The following RPS6KA5 variants were observed in gnomAD, a reference collection of about 807,000 sequenced individuals.
The protein encoded by RPS6KA5 is ribosomal protein S6 kinase alpha-5.
RPS6KA5 carries 27 observed loss-of-function variants against 85.5 expected under a neutral mutation model. The observed-to-expected ratio is 0.32, with a 90% CI of 0.23 to 0.44. The LOEUF is 0.44. RPS6KA5 is among the 20% of genes least tolerant of loss of function. RPS6KA5 has a pLI of 1.00. For synonymous variants in RPS6KA5, 334 were observed against 348.2 expected (o/e 0.96, Z 0.46); for missense variants, 811 against 980.9 (o/e 0.83, Z 2.31).
rs1163804864 is a variant in RPS6KA5, at chr14:90,857,960, G to A, written c.*14114C>T. On this transcript the variant is annotated 3_prime_UTR_variant, in exon 17 of 17. Transcript: ENST00000614987. ...GAATAAACCGGGTGCCTTCACATAT[G>A]ACCATGTGACAACCAAGTTATCAAT... The A allele has an allele frequency of 6.6e-6, 1 of 152,170 alleles. No individual in the cohort carries two copies. Among genetic ancestry groups the A allele is most frequent in the East Asian group, 1.9e-4 (1 of 5,196 alleles). 9.4% of individuals were successfully genotyped at this position (152,170 alleles called of 1,614,324 possible).
chr14:91,002,867 T>C (rs960748822), intron 1 of RPS6KA5, among the ~76,000 whole-genome samples: 1 of 152,170 alleles, frequency 6.6e-6, no homozygotes, highest in South Asian at 2.1e-4. Context: ...AGTTTTACTA[T>C]CAATGTATAA....
intron 5 of RPS6KA5, among the ~76,000 whole-genome samples, chr14:90,924,187 T>A (rs2036546222): frequency 6.6e-6 from 1 of 152,082 alleles, no homozygotes; most frequent in Admixed American, 6.5e-5. Context: ...AAGACAAACA[T>A]CTCTTAATTC....
rs1279651064 is a variant in RPS6KA5 at position 90,854,041 on chromosome 14, T to A, written c.*18033A>T. On this transcript the variant is annotated 3_prime_UTR_variant, in exon 17 of 17. Coordinates refer to ENST00000614987, the MANE Select transcript of RPS6KA5 (RefSeq NM_004755.4). The stretch of plus-strand genomic sequence containing the variant: ...CCCCCAATACATGTGTGTATACACA[T>A]ACATAAACACACACCTATGTAATTT... The A allele has an allele frequency of 1.3e-5, 2 of 152,202 alleles. No individual in the cohort carries two copies. The highest frequency in any genetic ancestry group is 4.8e-5 in the African/African-American group (2 of 41,452). 9.4% of individuals were successfully genotyped at this position (152,202 alleles called of 1,614,324 possible). A position where few individuals can be genotyped will look rare whatever the true frequency, so the allele number is the denominator to read the frequency against.
At chr14:90,880,673 G>A (rs1350187399) in intron 14 of RPS6KA5, among the ~76,000 whole-genome samples, 1 of 152,032 alleles carries the variant, frequency 6.6e-6, no homozygotes, top group Admixed American at 6.5e-5. Context: ...ATTATTACAG[G>A]ACTGTCTACT....
intron 1 of RPS6KA5, among the ~76,000 whole-genome samples, chr14:91,033,750 C>A (rs1432468491): frequency 6.6e-6 from 1 of 152,058 alleles, no homozygotes; most frequent in East Asian, 1.9e-4. Context: ...ACCTCCATGA[C>A]CACTAGAGTA....
At chr14:91,047,794 G>C (rs1685525976) in intron 1 of RPS6KA5, among the ~76,000 whole-genome samples, 1 of 152,200 alleles carries the variant, frequency 6.6e-6, no homozygotes, top group African/African-American at 2.4e-5. Context: ...GGATATTCTA[G>C]GTGAAAATCT....
rs1315084559 is a variant in RPS6KA5 at position 90,852,145 on chromosome 14, AGTG to A, written c.*19926_*19928del. 8.1e-6 allele frequency: 1 copy of A among 123,418 alleles called. No homozygotes were observed. The highest frequency in any genetic ancestry group is 1.6e-5 in the Non-Finnish European group (1 of 63,392). The allele number at this position is 123,418 out of a possible 1,614,324, so 7.6% of individuals were successfully genotyped here. On this transcript the variant is annotated 3_prime_UTR_variant, in exon 17 of 17. Transcript: ENST00000614987. ...CGCTCTGTCGCCCAGGCTGGAGTGC[AGTG>A]GTGTGGTGCGATCTTGGCTCACTGC... is the stretch of plus-strand genomic sequence containing the variant.
chr14:90,898,650 A>G (rs2034979473), intron 12 of RPS6KA5, among the ~76,000 whole-genome samples: 1 of 152,188 alleles, frequency 6.6e-6, no homozygotes. Context: ...AAGTTGTCTT[A>G]AGTAGGACTG....
At chr14:90,930,536 A>G (rs1264418419) in intron 5 of RPS6KA5, among the ~76,000 whole-genome samples, 1 of 152,188 alleles carries the variant, frequency 6.6e-6, no homozygotes, top group African/African-American at 2.4e-5. Context: ...AAAATAGACA[A>G]ATGGGACTAT....
chr14:90,905,108 AAGATGTGC>A (rs1413829780), intron 8 of RPS6KA5, among the ~76,000 whole-genome samples: 1 of 152,154 alleles, frequency 6.6e-6, no homozygotes, highest in Non-Finnish European at 1.5e-5. Flanking sequence ...GAACTTCTAT[AAGATGTGC>A]AGTAGTATTA....
rs2032086620 is a variant in RPS6KA5 at position 90,852,980 on chromosome 14, C to T, written c.*19094G>A. The T allele has an allele frequency of 6.6e-6, 1 of 152,112 alleles. No individual in the cohort carries two copies. Among genetic ancestry groups the T allele is most frequent in the African/African-American group, 2.4e-5 (1 of 41,392 alleles). The allele number at this position is 152,112 out of a possible 1,614,324, so 9.4% of individuals were successfully genotyped here. A position where few individuals can be genotyped will look rare whatever the true frequency, so the allele number is the denominator to read the frequency against. On this transcript the variant is annotated 3_prime_UTR_variant, in exon 17 of 17. Transcript: ENST00000614987. The stretch of plus-strand genomic sequence containing the variant: ...TCTCCTGACCTTGTGATCCGCCCGC[C>T]TCGGCCTCCCAAAGTGCTGGGATTA...
At chr14:90,987,338 A>G (rs2040098029) in intron 2 of RPS6KA5, among the ~76,000 whole-genome samples, 1 of 151,908 alleles carries the variant, frequency 6.6e-6, no homozygotes, top group South Asian at 2.1e-4. Context: ...AAATGACTCA[A>G]CCAAAGTATT....
At chr14:91,029,470 A>G (rs2042102631) in intron 1 of RPS6KA5, among the ~76,000 whole-genome samples, 1 of 152,330 alleles carries the variant, frequency 6.6e-6, no homozygotes, top group Admixed American at 6.5e-5. Flanking sequence ...TCATTCTACA[A>G]ATATTTAACA....
chr14:90,923,428 TCATC>T lies in RPS6KA5; in HGVS notation c.619-236_619-233del, dbSNP rs3832953. 6.3e-3 allele frequency among the ~76,000 whole-genome samples: 955 copies of T among 150,918 alleles called. 18 individuals are homozygous for T. Among genetic ancestry groups the T allele is most frequent in the African/African-American group, 0.015 (607 of 40,832 alleles). On this transcript the variant is annotated intron_variant, in intron 5 of 16. Coordinates refer to ENST00000614987, the MANE Select transcript of RPS6KA5 (RefSeq NM_004755.4). ...ACTTCTCATGCATGAAATGGTACCA[TCATC>T]CATCCATCCATCCATCCATCCATCC...
chr14:90,974,549 G>T (rs565447546), intron 3 of RPS6KA5, among the ~76,000 whole-genome samples: 114 of 152,328 alleles, frequency 7.5e-4, no homozygotes, highest in Non-Finnish European at 4.3e-4. Flanking sequence ...GAGTTCCAGT[G>T]TCCAGGCTCA....
intron 1 of RPS6KA5, among the ~76,000 whole-genome samples, chr14:91,043,935 TATCCAAGTAGGC>T (rs1447126223): frequency 4.6e-5 from 7 of 152,118 alleles, no homozygotes; most frequent in African/African-American, 1.7e-4. Flanking sequence ...ATAAGAAAAT[TATCCAAGTAGGC>T]AGGACGCAGT....
intron 7 of RPS6KA5, among the ~76,000 whole-genome samples, chr14:90,916,562 A>G (rs953136107): frequency 2.0e-5 from 3 of 152,202 alleles, no homozygotes; most frequent in Non-Finnish European, 4.4e-5. Flanking sequence ...AGATAATGGC[A>G]CATTTATCTA....
At position 90,933,329 on chromosome 14, in the gene RPS6KA5, A is replaced by T. The variant is rs535742653; in HGVS notation, c.618+9749T>A. 3.9e-5 allele frequency among the ~76,000 whole-genome samples: 6 copies of T among 152,126 alleles called. No homozygotes were observed. The South Asian group carries it at 1.2e-3, about 32-fold the overall frequency. ...TCTCAAACTTAACCTGTCCAGCTGA[A>T]CTTCTCCTCTTGTAACCCCAGATAG... On this transcript the variant is annotated intron_variant, in intron 5 of 16. Coordinates refer to ENST00000614987, the MANE Select transcript of RPS6KA5 (RefSeq NM_004755.4).
rs149441965 is a variant in RPS6KA5, at chr14:90,872,217, G to A, written c.2266C>T (p.Arg756Cys). ...TGGGAACTCTCACTGGAACTGCTGC[G>A]CGTCTCGGTACTGGTGCTAGTCTTT... ...MKKTSTSTETRSSSSESSHSS... is the reference protein window; with the variant it reads ...MKKTSTSTETCSSSSESSHSS... The change falls in exon 17 of 17, where the codon CGC (arginine) becomes TGC (cysteine). Residue 756 changes from arginine (R) to cysteine (C), a missense_variant. Around this residue, in one of 3 missense-constraint regions of RPS6KA5, gnomAD observed 650 missense variants for 793.4 expected, o/e 0.82. Transcript: ENST00000614987. 80 of 1,613,890 alleles carry A rather than the reference G, an allele frequency of 5.0e-5. No homozygotes were observed. The highest frequency in any genetic ancestry group is 6.4e-5 in the Non-Finnish European group (76 of 1,180,012).
Sources: allele counts gnomAD v4.1 joint callset (sites outside exome capture counted in the v4.1 genomes callset), GRCh38; gene constraint gnomAD v4.1.1; regional missense constraint gnomAD v4.1.1; transcripts MANE v1.5; gene names NCBI Gene and HGNC (gene_info 2026-07-23, HGNC 2026-07-21).